Variants in MAF observed in about 807,000 individuals in gnomAD.
The protein encoded by MAF is MAF bZIP transcription factor.
Under a neutral mutation model 22.0 loss-of-function variants are expected in MAF, and 10 were observed. That is an observed-to-expected ratio of 0.45 (90% CI 0.28 to 0.77). MAF has a LOEUF of 0.77. MAF is among the 30% of genes least tolerant of loss of function. The pLI, the probability that MAF is intolerant of heterozygous loss-of-function variation, is 0.12. For synonymous variants in MAF, 337 were observed against 255.8 expected, an observed-to-expected ratio of 1.32 and a Z score of -3.03; for missense variants, 544 against 548.4, an observed-to-expected ratio of 0.99 and a Z score of 0.08.
the MAF span, among the ~76,000 whole-genome samples, chr16:79,493,400 T>C: frequency 6.6e-6 from 1 of 152,200 alleles, no homozygotes; most frequent in Non-Finnish European, 1.5e-5. Context: ...CAGGCTGCTC[T>C]TGAACTCCTG....
Position 79,600,279 on chromosome 16 carries a change from C to G in MAF, c.-377G>C, listed in dbSNP as rs1913947425. On this transcript the variant is annotated 5_prime_UTR_variant, in exon 1 of 2. Coordinates refer to ENST00000326043, the MANE Select transcript of MAF (RefSeq NM_005360.5). Reference sequence around the variant, plus strand: ...GAAGCTGGAGGAGCCCGGCCCGGTGCGCGGCGTCCCCCGCTCGCCGCTCCG... The same window carrying G: ...GAAGCTGGAGGAGCCCGGCCCGGTGGGCGGCGTCCCCCGCTCGCCGCTCCG... The G allele has an allele frequency of 4.4e-6, 1 of 228,130 alleles. No individual in the cohort carries two copies. Among genetic ancestry groups the G allele is most frequent in the African/African-American group, 2.3e-5 (1 of 43,676 alleles). The allele number at this position is 228,130 out of a possible 1,614,324, so 14.1% of individuals were successfully genotyped here.
the MAF span, among the ~76,000 whole-genome samples, chr16:79,221,003 T>TA: frequency 6.6e-6 from 1 of 152,088 alleles, no homozygotes; most frequent in Non-Finnish European, 1.5e-5. Flanking sequence ...GTCAGCGAAA[T>TA]AAAAAAAGGC....
chr16:79,580,324 G>T, the MAF span, among the ~76,000 whole-genome samples: 3 of 152,236 alleles, frequency 2.0e-5, no homozygotes, highest in South Asian at 6.2e-4. Flanking sequence ...GCTACCAAGT[G>T]ATCAAAGATC....
the MAF span, among the ~76,000 whole-genome samples, chr16:79,522,959 A>G: frequency 6.6e-6 from 1 of 152,142 alleles, no homozygotes; most frequent in South Asian, 2.1e-4. Flanking sequence ...ATGTCTTTCC[A>G]CCTCAAAATC....
chr16:79,302,176 G>A, the MAF span, among the ~76,000 whole-genome samples: 2 of 152,226 alleles, frequency 1.3e-5, no homozygotes, highest in Admixed American at 6.5e-5. Flanking sequence ...GAGATGTGTT[G>A]GAAAGACCAC....
chr16:79,268,847 A>G, the MAF span, among the ~76,000 whole-genome samples: 39 of 152,282 alleles, frequency 2.6e-4, no homozygotes, highest in African/African-American at 8.4e-4. Flanking sequence ...CTTGTCTGCA[A>G]TTCTTCCCTG....
chr16:79,586,257 A>G (rs1196955450), intron 1 of MAF, among the ~76,000 whole-genome samples: 1 of 152,164 alleles, frequency 6.6e-6, no homozygotes, highest in Non-Finnish European at 1.5e-5. Flanking sequence ...CCTGAGTTCA[A>G]AGGGAGCCAA....
In MAF at chr16:79,594,508, T is replaced by C. The variant is rs1913389422; in HGVS notation, c.1164A>G (p.Thr388=). ...GTACACGATGCTGGGGCTTCCAAAA[T>C]GTGGCGTATCCCACTGATGGCTCCA... ...RKLEPSVGYA[T]FWKPQHRVLT... Residue 388 remains threonine, a synonymous_variant, in exon 2 of 2, where the codon ACA becomes ACG. Transcript: ENST00000326043. The C allele has an allele frequency of 6.4e-7, 1 of 1,567,628 alleles. No individual in the cohort carries two copies. Among genetic ancestry groups the C allele is most frequent in the Non-Finnish European group, 8.7e-7 (1 of 1,153,376 alleles).
chr16:79,507,992 C>A, the MAF span, among the ~76,000 whole-genome samples: 1 of 152,102 alleles, frequency 6.6e-6, no homozygotes, highest in African/African-American at 2.4e-5. Context: ...CGCAGTCCTG[C>A]AGTGTGAGAG....
At chr16:79,264,892 G>T in the MAF span, among the ~76,000 whole-genome samples, 1 of 152,038 alleles carries the variant, frequency 6.6e-6, no homozygotes, top group Non-Finnish European at 1.5e-5. Flanking sequence ...TTTTAATTCA[G>T]TACCAAATTC....
the MAF span, among the ~76,000 whole-genome samples, chr16:79,244,988 C>T: frequency 1.1e-4 from 16 of 151,906 alleles, 1 homozygote; most frequent in African/African-American, 2.9e-4. Flanking sequence ...ATTTGATAAA[C>T]GGTGTTGGGA....
At chr16:79,423,276 G>C in the MAF span, among the ~76,000 whole-genome samples, 4 of 152,134 alleles carry the variant, frequency 2.6e-5, no homozygotes, top group East Asian at 3.9e-4. Context: ...ACCTGTTCTA[G>C]GGAGAGGGCT....
At chr16:79,579,479 G>C in the MAF span, among the ~76,000 whole-genome samples, 1 of 151,936 alleles carries the variant, frequency 6.6e-6, no homozygotes, top group Non-Finnish European at 1.5e-5. Flanking sequence ...AAACCCCAAA[G>C]TCGGTTTTTA....
the MAF span, among the ~76,000 whole-genome samples, chr16:79,250,530 G>A: frequency 1.3e-5 from 2 of 152,150 alleles, no homozygotes. Flanking sequence ...TCCATTATAT[G>A]GAGGGACTAC....
At chr16:79,365,059 G>A in the MAF span, among the ~76,000 whole-genome samples, 1 of 152,102 alleles carries the variant, frequency 6.6e-6, no homozygotes, top group Admixed American at 6.6e-5. Context: ...TTAGTTGATG[G>A]TTTCTGATTG....
At chr16:79,283,946 C>G in the MAF span, among the ~76,000 whole-genome samples, 1 of 135,806 alleles carries the variant, frequency 7.4e-6, no homozygotes, top group East Asian at 2.2e-4. Flanking sequence ...AAACCATAAT[C>G]TACCCCCTGC....
chr16:79,408,117 A>C, the MAF span, among the ~76,000 whole-genome samples: 14 of 125,754 alleles, frequency 1.1e-4, no homozygotes, highest in African/African-American at 4.1e-4. Flanking sequence ...GGCGTGGTGG[A>C]GGGATGGTTA....
chr16:79,376,544 T>C, the MAF span, among the ~76,000 whole-genome samples: 2 of 152,222 alleles, frequency 1.3e-5, no homozygotes, highest in Non-Finnish European at 2.9e-5. Flanking sequence ...TTTTAAATTA[T>C]ACTTTAAGTT....
chr16:79,311,765 C>T, the MAF span, among the ~76,000 whole-genome samples: 1 of 152,192 alleles, frequency 6.6e-6, no homozygotes, highest in Non-Finnish European at 1.5e-5. Context: ...CAGCTTGATG[C>T]CACACCTGGC....
Sources: allele counts gnomAD v4.1 joint callset (sites outside exome capture counted in the v4.1 genomes callset), GRCh38; gene constraint gnomAD v4.1.1; transcripts MANE v1.5; gene names NCBI Gene and HGNC (gene_info 2026-07-23, HGNC 2026-07-21).